MAPK8IP3: variants seen among roughly 807,000 people sequenced by gnomAD.
MAPK8IP3 encodes the protein C-Jun-amino-terminal kinase-interacting protein 3.
In MAPK8IP3, 49 loss-of-function variants were observed where a neutral mutation model predicts 157.8. That is an observed-to-expected ratio of 0.31 (90% CI 0.25 to 0.39). The LOEUF is 0.39. Among genes scored for constraint, MAPK8IP3 ranks in the 10% least tolerant of loss-of-function variants. The pLI is 1.00. For synonymous variants in MAPK8IP3, 897 were observed against 777.7 expected, an observed-to-expected ratio of 1.15 and a Z score of -2.55; for missense variants, 1,478 against 1,889.4, an observed-to-expected ratio of 0.78 and a Z score of 4.04.
chr16:1,726,955 C>G (rs1263185281), intron 2 of MAPK8IP3, among the ~76,000 whole-genome samples: 1 of 152,072 alleles, frequency 6.6e-6, no homozygotes, highest in Non-Finnish European at 1.5e-5. Context: ...GTCTATAACT[C>G]GTGTGCTGTG....
At position 1,724,429 on chromosome 16, in the gene MAPK8IP3, TG is replaced by T; in HGVS notation, c.319-125del. ...GGAAGCCCCCATTCCGGCCTGGCCATGGGCCAGCTTGTGGCCCTGGGGACAT... is the reference window on the plus strand; with the variant it reads ...GGAAGCCCCCATTCCGGCCTGGCCATGGCCAGCTTGTGGCCCTGGGGACAT... On this transcript the variant is annotated intron_variant, in intron 1 of 31. Transcript: ENST00000610761. The surrounding 1 kb of genome is among the most constrained non-coding windows in gnomAD (Gnocchi z 4.1). 7.7e-7 allele frequency: 1 copy of T among 1,293,028 alleles called. No homozygotes were observed. The highest frequency in any genetic ancestry group is 1.1e-6 in the Non-Finnish European group (1 of 946,482). The allele number at this position is 1,293,028 out of a possible 1,614,324, so 80.1% of individuals were successfully genotyped here. A position where few individuals can be genotyped will look rare whatever the true frequency, so the allele number is the denominator to read the frequency against.
In MAPK8IP3 at chr16:1,762,438, C is replaced by T. The variant is rs748228765; in HGVS notation, c.1627C>T (p.Leu543=). Residue 543 remains leucine (L), a synonymous_variant, in exon 14 of 32, where the codon CTG becomes TTG. Coordinates refer to ENST00000610761, the MANE Select transcript of MAPK8IP3 (RefSeq NM_001318852.2). ...GGAGCGGAACCAGTACAAGGAGCGG[C>T]TGATGGAGCTGCAGGAGGCTGTGCG... is the stretch of plus-strand genomic sequence containing the variant. ...LMERNQYKER[L]MELQEAVRWT... 4.3e-6 allele frequency: 7 copies of T among 1,609,860 alleles called. No individual in the cohort carries two copies. The highest frequency in any genetic ancestry group is 1.1e-5 in the South Asian group (1 of 90,380).
Position 1,765,173 on chromosome 16 carries a change from TC to T in MAPK8IP3, c.2445del (p.Ala816ArgfsTer18). 6.3e-7 allele frequency: 1 copy of T among 1,591,362 alleles called. No homozygotes were observed. The highest frequency in any genetic ancestry group is 1.1e-5 in the South Asian group (1 of 90,178). On this transcript the variant is annotated frameshift_variant, in exon 20 of 32. Transcript: ENST00000610761. LOFTEE classifies it high-confidence loss of function. ...CNAHVLCISS[I>X]PAASDSDYPP... is the part of the protein sequence containing the mutation. ...GCGCACGTGCTGTGCATCTCCAGCA[TC>T]CCCGGTGAGCAGCTGGAGTGGGCGT...
rs573359030 is a variant in MAPK8IP3 at position 1,762,336 on chromosome 16, C to T, written c.1540-15C>T. The T allele has an allele frequency of 1.3e-6, 2 of 1,560,774 alleles. No homozygotes were observed. The highest frequency in any genetic ancestry group is 2.7e-5 in the African/African-American group (2 of 73,684). On this transcript the variant is annotated splice_polypyrimidine_tract_variant and intron_variant, in intron 13 of 31. Transcript: ENST00000610761. ...TCCGAGGGCTGGCTGAGCCTCTGTG[C>T]CCCTCCCTCCGCAGGACAAAATCCC...
Position 1,768,240 on chromosome 16 carries a change from G to A in MAPK8IP3, c.3604G>A (p.Gly1202Arg), listed in dbSNP as rs566096469. ...SPTSGEGARP[G>R]GIIHVYGDDS... Reference sequence around the variant, plus strand: ...CACCTCTGGGGAGGGCGCCCGTCCCGGGGGCATCATCCACGTGTATGGCGA... The same window carrying A: ...CACCTCTGGGGAGGGCGCCCGTCCCAGGGGCATCATCCACGTGTATGGCGA... Residue 1202 changes from glycine (G) to arginine (R), a missense_variant, in exon 30 of 32, where the codon GGG (glycine) becomes AGG (arginine). By Grantham distance (125) the Gly-to-Arg change is moderately radical. Around this residue, in one of 11 missense-constraint regions of MAPK8IP3, gnomAD observed 83 missense variants for 85.3 expected, o/e 0.97. Transcript: ENST00000610761. 1.7e-5 allele frequency: 28 copies of A among 1,612,216 alleles called. No homozygotes were observed. The highest frequency in any genetic ancestry group is 1.1e-4 in the East Asian group (5 of 44,872).
At chr16:1,716,731 T>C (rs1280580304) in intron 1 of MAPK8IP3, among the ~76,000 whole-genome samples, 1 of 151,700 alleles carries the variant, frequency 6.6e-6, no homozygotes, top group African/African-American at 2.4e-5. Context: ...CTGGCCAACA[T>C]GGCGAAACCC....
intron 8 of MAPK8IP3, 95 bp from the exon 9 acceptor site, chr16:1,758,053 G>A (rs2141906680): frequency 7.6e-7 from 1 of 1,313,602 alleles, no homozygotes; most frequent in Non-Finnish European, 1.1e-6. Context: ...TCATTGCTGG[G>A]TTTTCTGTAA....
chr16:1,759,526 C>T (rs1178483691), intron 10 of MAPK8IP3, among the ~76,000 whole-genome samples: 1 of 152,176 alleles, frequency 6.6e-6, no homozygotes, highest in Non-Finnish European at 1.5e-5. Flanking sequence ...CTCACAGCCG[C>T]GCCCCATCGC....
chr16:1,710,432 C>T lies in MAPK8IP3; in HGVS notation c.318+3775C>T, dbSNP rs555165241. On this transcript the variant is annotated intron_variant, in intron 1 of 31. Coordinates refer to ENST00000610761, the MANE Select transcript of MAPK8IP3 (RefSeq NM_001318852.2). The surrounding 1 kb of genome is among the most constrained non-coding windows in gnomAD (Gnocchi z 4.1). ...ATGTTGTGGTGAACCAAGATCATAC[C>T]ACTGCACTCCAGCCTGGGCAACAAG... Among the ~76,000 whole-genome samples, 30 of 152,238 alleles carry T rather than the reference C, an allele frequency of 2.0e-4. No homozygotes were observed. The highest frequency in any genetic ancestry group is 5.3e-4 in the African/African-American group (22 of 41,522).
rs372311412 is a variant in MAPK8IP3 at position 1,757,936 on chromosome 16, C to T, written c.1217-212C>T. On this transcript the variant is annotated intron_variant, in intron 8 of 31. Transcript: ENST00000610761. ...AACACAGCCCTGGGCTGGACCACGG[C>T]GCCTGGGCCTGGTTCCCTGCAGGCC... Among the ~76,000 whole-genome samples, 93 of 152,358 alleles carry T rather than the reference C, an allele frequency of 6.1e-4. 1 individual carries two copies. The highest frequency in any genetic ancestry group is 2.2e-3 in the African/African-American group (90 of 41,588).
intron 8 of MAPK8IP3, among the ~76,000 whole-genome samples, chr16:1,754,303 A>T (rs1044788327): frequency 6.6e-6 from 1 of 152,238 alleles, no homozygotes; most frequent in East Asian, 1.9e-4. Context: ...ATATTCACTA[A>T]GGAACTTATT....
At chr16:1,709,132 A>G (rs1210371713) in intron 1 of MAPK8IP3, among the ~76,000 whole-genome samples, 1 of 152,216 alleles carries the variant, frequency 6.6e-6, no homozygotes, top group Non-Finnish European at 1.5e-5. Flanking sequence ...TTCTGAGCAG[A>G]CAGAATCCGC....
chr16:1,746,763 A>G (rs940873397), intron 5 of MAPK8IP3: 43 of 504,336 alleles, frequency 8.5e-5, no homozygotes, highest in African/African-American at 6.2e-4. Context: ...GGAGGGCACC[A>G]GTGGAAAGCC....
At chr16:1,716,022 G>A (rs764825420) in intron 1 of MAPK8IP3, among the ~76,000 whole-genome samples, 35 of 151,910 alleles carry the variant, frequency 2.3e-4, no homozygotes, top group East Asian at 3.9e-4. Context: ...CCACTGCACC[G>A]GCCGAGGTTT....
chr16:1,730,044 CAAAAAAAAAAAAAAAAA>C (rs58933347), intron 4 of MAPK8IP3, among the ~76,000 whole-genome samples: 1 of 46,982 alleles, frequency 2.1e-5, no homozygotes, highest in Admixed American at 3.2e-4. Context: ...CTTGTCTCTA[CAAAAAAAAAAAAAAAAA>C]AAAAAAAAAA....
At position 1,766,750 on chromosome 16, in the gene MAPK8IP3, C is replaced by G; in HGVS notation, c.2967C>G (p.Asn989Lys). The G allele has an allele frequency of 6.2e-7, 1 of 1,612,882 alleles. No homozygotes were observed. The highest frequency in any genetic ancestry group is 8.5e-7 in the Non-Finnish European group (1 of 1,179,928). ...GWLYVHSAVA[N>K]WKKCLHSIKL... ...TCTATGTGCACTCGGCTGTGGCCAA[C>G]TGGAAGAAGTGCCTGCACTCCATCA... is the stretch of plus-strand genomic sequence containing the variant. Residue 989 changes from asparagine (N) to lysine (K), a missense_variant, in exon 24 of 32, where the codon AAC becomes AAG. Physicochemically the swap from Asn to Lys is moderately conservative, Grantham distance 94. Around this residue, in one of 11 missense-constraint regions of MAPK8IP3, gnomAD observed 669 missense variants for 759.8 expected, o/e 0.88. Coordinates refer to ENST00000610761, the MANE Select transcript of MAPK8IP3 (RefSeq NM_001318852.2).
chr16:1,729,286 G>A (rs1420283251), intron 3 of MAPK8IP3, 78 bp downstream of exon 3: 18 of 1,512,078 alleles, frequency 1.2e-5, no homozygotes, highest in East Asian at 4.5e-5. Flanking sequence ...CTTGCGGACC[G>A]TGGTTTTCTT....
intron 1 of MAPK8IP3, among the ~76,000 whole-genome samples, chr16:1,712,768 C>A (rs1284053092): frequency 6.6e-6 from 1 of 152,228 alleles, no homozygotes; most frequent in African/African-American, 2.4e-5. Context: ...CCCCACCCCT[C>A]CCTCGGGGTT....
rs529933558 is a variant in MAPK8IP3, at chr16:1,736,908, G to T, written c.603-6424G>T. On this transcript the variant is annotated intron_variant, in intron 4 of 31. Transcript: ENST00000610761. ...TGTGACCGTCCGTGTGTGACCGTCTGTGTGAGTGACCATCCATGTGAGCAT... is the reference window on the plus strand; with the variant it reads ...TGTGACCGTCCGTGTGTGACCGTCTTTGTGAGTGACCATCCATGTGAGCAT... 6.1e-4 allele frequency among the ~76,000 whole-genome samples: 10 copies of T among 16,340 alleles called. 1 individual carries two copies. Among genetic ancestry groups the T allele is most frequent in the African/African-American group, 2.5e-3 (10 of 3,954 alleles). The allele number at this position is 16,340 out of a possible 152,430, so 10.7% of individuals were successfully genotyped here. A position where few individuals can be genotyped will look rare whatever the true frequency, so the allele number is the denominator to read the frequency against.
Sources: allele counts gnomAD v4.1 joint callset (sites outside exome capture counted in the v4.1 genomes callset), GRCh38; gene constraint gnomAD v4.1.1; regional missense constraint gnomAD v4.1.1; non-coding constraint Gnocchi (gnomAD v3.1); transcripts MANE v1.5; gene names NCBI Gene and HGNC (gene_info 2026-07-23, HGNC 2026-07-21).